TSHZ3: variants seen among roughly 807,000 people sequenced by gnomAD.
TSHZ3 encodes the protein teashirt homolog 3.
In TSHZ3, 10 loss-of-function variants were observed where a neutral mutation model predicts 64.5. That is an observed-to-expected ratio of 0.16 (90% CI 0.10 to 0.26). TSHZ3 has a LOEUF of 0.26. Ranked by LOEUF, TSHZ3 falls within the 10% of genes least tolerant of loss-of-function variation. TSHZ3 has a pLI of 1.00. For synonymous variants in TSHZ3, 608 were observed against 593.1 expected, an observed-to-expected ratio of 1.03 and a Z score of -0.36; for missense variants, 1,242 against 1,421.7, an observed-to-expected ratio of 0.87 and a Z score of 2.03.
At chr19:31,268,541 A>C (rs1480547576) in intron 1 of TSHZ3, among the ~76,000 whole-genome samples, 1 of 152,190 alleles carries the variant, frequency 6.6e-6, no homozygotes, top group African/African-American at 2.4e-5. Context: ...TTCCTGATTG[A>C]CACAGTGGGG....
chr19:31,308,782 C>G (rs1916369457), intron 1 of TSHZ3: 5 of 398,062 alleles, frequency 1.3e-5, no homozygotes, highest in Non-Finnish European at 2.2e-5. Flanking sequence ...TGCTCAGATT[C>G]AGATCATCCT....
intron 1 of TSHZ3, among the ~76,000 whole-genome samples, chr19:31,301,154 G>A (rs1599635355): frequency 6.6e-6 from 1 of 151,964 alleles, no homozygotes; most frequent in African/African-American, 2.4e-5. Flanking sequence ...GCTGGGTGGG[G>A]GCCTATGTGG....
intron 5 of TSHZ3, among the ~76,000 whole-genome samples, chr19:31,190,056 G>GGAAAA (rs3064811): frequency 0.71 from 108,050 of 151,396 alleles, 38,980 homozygotes; most frequent in African/African-American, 0.83. Context: ...ATAGTATAAA[G>GGAAAA]GAAGAGTGTT....
intron 4 of TSHZ3, among the ~76,000 whole-genome samples, chr19:31,211,131 C>T (rs888419352): frequency 2.6e-5 from 4 of 152,188 alleles, no homozygotes; most frequent in Non-Finnish European, 4.4e-5. Context: ...AGTCCATTTA[C>T]ACCATAATTG....
At chr19:31,265,216 G>A (rs1046797626) in intron 1 of TSHZ3, among the ~76,000 whole-genome samples, 1 of 151,716 alleles carries the variant, frequency 6.6e-6, no homozygotes, top group African/African-American at 2.4e-5. Flanking sequence ...GGCCAACATG[G>A]TGAAACCCCG....
At chr19:31,293,300 AAC>A (rs1172517893) in intron 1 of TSHZ3, among the ~76,000 whole-genome samples, 5 of 152,246 alleles carry the variant, frequency 3.3e-5, no homozygotes, top group African/African-American at 1.2e-4. Context: ...GCCTTGGTTA[AAC>A]ACAGAGCACA....
At chr19:31,318,272 T>C (rs1007019700) in intron 1 of TSHZ3, among the ~76,000 whole-genome samples, 5 of 152,222 alleles carry the variant, frequency 3.3e-5, no homozygotes, top group African/African-American at 1.2e-4. Context: ...AGGAGCCTCA[T>C]TGTAAACTGA....
intron 1 of TSHZ3, among the ~76,000 whole-genome samples, chr19:31,319,312 A>T (rs1916697252): frequency 2.0e-5 from 3 of 152,258 alleles, no homozygotes; most frequent in Admixed American, 2.0e-4. Flanking sequence ...AATAGAGAAA[A>T]GTAGGTTTTC....
chr19:31,258,598 G>T (rs992258179), intron 1 of TSHZ3, among the ~76,000 whole-genome samples: 2 of 152,212 alleles, frequency 1.3e-5, no homozygotes, highest in African/African-American at 4.8e-5. Context: ...GATCTGATCA[G>T]CTCTCCAAGG....
intron 5 of TSHZ3, among the ~76,000 whole-genome samples, chr19:31,173,902 T>C (rs1410438998): frequency 6.6e-6 from 1 of 152,120 alleles, no homozygotes; most frequent in Non-Finnish European, 1.5e-5. Context: ...AAACCCCGTC[T>C]CTACTAAAAA....
chr19:31,303,267 A>T (rs1976783631), intron 1 of TSHZ3, among the ~76,000 whole-genome samples: 1 of 152,146 alleles, frequency 6.6e-6, no homozygotes, highest in African/African-American at 2.4e-5. Flanking sequence ...GGAGCTGCTG[A>T]CCCGCAGGCC....
At chr19:31,230,590 G>A (rs2145175371) in intron 3 of TSHZ3, among the ~76,000 whole-genome samples, 1 of 151,984 alleles carries the variant, frequency 6.6e-6, no homozygotes, top group South Asian at 2.1e-4. Flanking sequence ...TGGGGAAAGT[G>A]GTCAGACCTA....
chr19:31,336,357 G>A (rs999195586), intron 1 of TSHZ3, among the ~76,000 whole-genome samples: 13 of 152,118 alleles, frequency 8.5e-5, no homozygotes, highest in Admixed American at 3.3e-4. Context: ...AGAATGTGAC[G>A]CCAGGTTATC....
intron 1 of TSHZ3, among the ~76,000 whole-genome samples, chr19:31,264,650 G>A (rs1158576089): frequency 6.6e-6 from 1 of 151,954 alleles, no homozygotes; most frequent in Admixed American, 6.5e-5. Flanking sequence ...AAATCTCACT[G>A]TTGTATGAAA....
chr19:31,155,854 G>T (rs902865844), intron 6 of TSHZ3, among the ~76,000 whole-genome samples: 1 of 152,182 alleles, frequency 6.6e-6, no homozygotes, highest in Non-Finnish European at 1.5e-5. Context: ...AGAGAGCAAG[G>T]GGCCTTCCCC....
At chr19:31,155,303 C>T (rs778135559) in intron 6 of TSHZ3, among the ~76,000 whole-genome samples, 4 of 152,154 alleles carry the variant, frequency 2.6e-5, no homozygotes, top group African/African-American at 4.8e-5. Context: ...TAACCCCTTC[C>T]GACAGGGAGC....
chr19:31,201,539 A>G (rs925184858), intron 5 of TSHZ3, among the ~76,000 whole-genome samples: 1 of 152,216 alleles, frequency 6.6e-6, no homozygotes, highest in Non-Finnish European at 1.5e-5. Context: ...GACTAAAGGA[A>G]TAAATAAGCC....
intron 5 of TSHZ3, among the ~76,000 whole-genome samples, chr19:31,199,101 T>C (rs1020357673): frequency 1.3e-5 from 2 of 151,890 alleles, no homozygotes; most frequent in Non-Finnish European, 2.9e-5. Flanking sequence ...ACCCCAGAAA[T>C]AGACCTATAA....
At chr19:31,226,928 T>C (rs1383682022) in intron 4 of TSHZ3, among the ~76,000 whole-genome samples, 6 of 151,862 alleles carry the variant, frequency 4.0e-5, no homozygotes, top group Non-Finnish European at 8.8e-5. Context: ...GAACTATCCC[T>C]TGCAGATACT....
Sources: gnomAD v4.1 joint callset for allele counts (sites outside exome capture counted in the v4.1 genomes callset) on GRCh38, gnomAD v4.1.1 for gene constraint, MANE v1.5 for transcripts, NCBI Gene and HGNC (gene_info 2026-07-23, HGNC 2026-07-21) for gene names.